The following TCP11L2 variants were observed in gnomAD, a reference collection of about 807,000 sequenced individuals.
The protein encoded by TCP11L2 is T-complex protein 11-like protein 2.
A neutral mutation model predicts 50.7 loss-of-function variants in TCP11L2; 39 were observed. The observed-to-expected ratio is 0.77, with a 90% CI of 0.60 to 1.01. The LOEUF is 1.01. Among genes scored for constraint, TCP11L2 ranks in the 50% least tolerant of loss-of-function variants. TCP11L2 has a pLI of 0.00. For missense variants in TCP11L2, 612 were observed against 614.7 expected (o/e 1.00, Z 0.05); for synonymous variants, 192 against 219.3 (o/e 0.88, Z 1.10).
chr12:106,324,992 A>G (rs962826650), intron 6 of TCP11L2: 1 of 152,218 alleles, frequency 6.6e-6, no homozygotes, highest in Non-Finnish European at 1.5e-5. Context: ...CTGTATATGT[A>G]TTTGGGAATC....
chr12:106,327,279 C>T (rs2035584355), intron 6 of TCP11L2, among the ~76,000 whole-genome samples: 1 of 152,106 alleles, frequency 6.6e-6, no homozygotes. Flanking sequence ...CTCTAGCCTC[C>T]AATTCTTGGA....
At position 106,311,156 on chromosome 12, in the gene TCP11L2, G is replaced by T. The variant is rs1340553446; in HGVS notation, c.81G>T (p.Met27Ile). 6.2e-7 allele frequency: 1 copy of T among 1,614,204 alleles called. No individual in the cohort carries two copies. The highest frequency in any genetic ancestry group is 1.7e-5 in the Admixed American group (1 of 60,026). ...DSDSSRFSES[M>I]ASLSDYECSR... is the part of the protein sequence containing the mutation. ...ATTCTTCCCGGTTTTCCGAAAGCAT[G>T]GCTTCGCTCAGTGACTATGAATGCT... Residue 27 changes from methionine (M) to isoleucine (I), a missense_variant, in exon 2 of 10, where the codon ATG becomes ATT. Met to Ile is a conservative substitution (Grantham distance 10). Coordinates refer to ENST00000299045, the MANE Select transcript of TCP11L2 (RefSeq NM_152772.3).
intron 6 of TCP11L2, among the ~76,000 whole-genome samples, chr12:106,334,766 C>G (rs2035855161): frequency 6.6e-6 from 1 of 152,002 alleles, no homozygotes; most frequent in Non-Finnish European, 1.5e-5. Flanking sequence ...CATGGTGAAA[C>G]CCCATCTCTA....
rs569912084 is a variant in TCP11L2, at chr12:106,303,194, G to A, written c.-36+253G>A. 87 of 152,386 alleles carry A rather than the reference G, an allele frequency of 5.7e-4. 1 individual carries two copies. The highest frequency in any genetic ancestry group is 1.9e-3 in the African/African-American group (81 of 41,590). The allele number at this position is 152,386 out of a possible 1,614,324, so 9.4% of individuals were successfully genotyped here. The stretch of plus-strand genomic sequence containing the variant: ...ACCGAGTGGCCGCCCCGCGTGTCGG[G>A]GTGGACACGGACTTCGGGCCTCGGA... On this transcript the variant is annotated intron_variant, in intron 1 of 9. Transcript: ENST00000299045.
At chr12:106,298,919 G>A (rs901276854), upstream of TCP11L2, among the ~76,000 whole-genome samples, 11 of 152,038 alleles carry the variant, frequency 7.2e-5, no homozygotes, top group African/African-American at 2.4e-4. Context: ...CTGGGTTCAA[G>A]TGATTCTCCT....
chr12:106,309,316 G>A (rs2034757419), intron 1 of TCP11L2, among the ~76,000 whole-genome samples: 1 of 152,122 alleles, frequency 6.6e-6, no homozygotes, highest in South Asian at 2.1e-4. Context: ...GAGGATGCAA[G>A]GGCTCAAGAA....
Position 106,336,093 on chromosome 12 carries a change from T to G in TCP11L2, c.1022T>G (p.Ile341Ser). The change falls in exon 8 of 10, where the codon ATT (isoleucine) becomes AGT (serine). Residue 341 changes from isoleucine to serine, a missense_variant. Ile to Ser is a moderately radical substitution (Grantham distance 142). Coordinates refer to ENST00000299045, the MANE Select transcript of TCP11L2 (RefSeq NM_152772.3). ...ELTEKLNQLK[I>S]IACLSLITNN... is the part of the protein sequence containing the mutation. ...ACAGAAAAGCTGAATCAATTGAAAA[T>G]TATTGCCTGCCTGTCCCTAATTACC... 6.2e-7 allele frequency: 1 copy of G among 1,614,084 alleles called. No homozygotes were observed. Among genetic ancestry groups the G allele is most frequent in the Non-Finnish European group, 8.5e-7 (1 of 1,179,992 alleles).
Position 106,321,490 on chromosome 12 carries a change from TTC to T in TCP11L2, c.425_426del (p.Ser142PhefsTer15), listed in dbSNP as rs764726053. 8 of 1,612,566 alleles carry T rather than the reference TTC, an allele frequency of 5.0e-6. No individual in the cohort carries two copies. The highest frequency in any genetic ancestry group is 1.1e-5 in the South Asian group (1 of 90,824). ...TTTTTATTTCTTTCCCTGTAGATTCTTCTCTCTTTTCTCACTCCCGGTGGCAA... is the reference window on the plus strand; with the variant it reads ...TTTTTATTTCTTTCCCTGTAGATTCTTCTCTTTTCTCACTCCCGGTGGCAA... On this transcript the variant is annotated frameshift_variant, in exon 5 of 10. Coordinates refer to ENST00000299045, the MANE Select transcript of TCP11L2 (RefSeq NM_152772.3). LOFTEE classifies it high-confidence loss of function.
rs149004221 is a variant in TCP11L2 at position 106,334,746 on chromosome 12, T to G, written c.773-893T>G. On this transcript the variant is annotated intron_variant, in intron 6 of 9. Coordinates refer to ENST00000299045, the MANE Select transcript of TCP11L2 (RefSeq NM_152772.3). ...TCATGAGGTCAGGAGATTGAGACCATCCTGGCCAACATGGTGAAACCCCAT... is the reference window on the plus strand; with the variant it reads ...TCATGAGGTCAGGAGATTGAGACCAGCCTGGCCAACATGGTGAAACCCCAT... Among the ~76,000 whole-genome samples, 1,003 of 152,130 alleles carry G rather than the reference T, an allele frequency of 6.6e-3. 12 individuals carry two copies. The highest frequency in any genetic ancestry group is 0.023 in the African/African-American group (967 of 41,490).
At chr12:106,305,171 C>T (rs954012285) in intron 1 of TCP11L2, among the ~76,000 whole-genome samples, 1 of 152,146 alleles carries the variant, frequency 6.6e-6, no homozygotes, top group Non-Finnish European at 1.5e-5. Flanking sequence ...AACGCAACCT[C>T]TCTGGGCCTC....
intron 2 of TCP11L2, chr12:106,312,405 G>T: frequency 8.1e-7 from 1 of 1,228,210 alleles, no homozygotes; most frequent in Non-Finnish European, 1.0e-6. Flanking sequence ...AGTCAGACCT[G>T]GCAAAAGAAA....
At chr12:106,336,855 TTCA>T (rs2035939467) in intron 8 of TCP11L2, among the ~76,000 whole-genome samples, 1 of 152,178 alleles carries the variant, frequency 6.6e-6, no homozygotes, top group South Asian at 2.1e-4. Flanking sequence ...TTGTTCTGAC[TTCA>T]TCATTTTTCT....
intron 6 of TCP11L2, among the ~76,000 whole-genome samples, chr12:106,328,342 G>A (rs1411556501): frequency 6.6e-6 from 1 of 152,168 alleles, no homozygotes; most frequent in Non-Finnish European, 1.5e-5. Context: ...TCAGGAGATC[G>A]AGACCATCCT....
At position 106,321,520 on chromosome 12, in the gene TCP11L2, G is replaced by A. The variant is rs138066544; in HGVS notation, c.449G>A (p.Arg150Gln). 2.4e-3 allele frequency: 3,921 copies of A among 1,614,090 alleles called. 10 individuals carry two copies. The highest frequency in any genetic ancestry group is 3.0e-3 in the Non-Finnish European group (3,534 of 1,180,004). The change falls in exon 5 of 10, where the codon CGG (arginine) becomes CAG (glutamine). Residue 150 changes from arginine (R) to glutamine (Q), a missense_variant. Coordinates refer to ENST00000299045, the MANE Select transcript of TCP11L2 (RefSeq NM_152772.3). The stretch of plus-strand genomic sequence containing the variant: ...TCTTTTCTCACTCCCGGTGGCAACC[G>A]GCTTCGCAACCAAATCTGTGAAGTT... ...LLSFLTPGGN[R>Q]LRNQICEVLD...
chr12:106,346,149 G>A lies in TCP11L2; in HGVS notation c.1316-137G>A, dbSNP rs188790254. On this transcript the variant is annotated intron_variant, in intron 9 of 9. Coordinates refer to ENST00000299045, the MANE Select transcript of TCP11L2 (RefSeq NM_152772.3). ...TAGGAGGAACTGCAAAGCTACCTTG[G>A]AAAGGGGATGGGTGCAGGGAGGGGT... The A allele has an allele frequency of 2.3e-5, 20 of 880,208 alleles. No homozygotes were observed. In the African/African-American group the frequency reaches 3.4e-4, roughly 15 times the overall value. The allele number at this position is 880,208 out of a possible 1,614,324, so 54.5% of individuals were successfully genotyped here.
chr12:106,308,326 G>A (rs542289933), intron 1 of TCP11L2, among the ~76,000 whole-genome samples: 8 of 152,250 alleles, frequency 5.3e-5, no homozygotes, highest in African/African-American at 1.9e-4. Context: ...AAAGTCACAC[G>A]GCACATTAAT....
intron 6 of TCP11L2, among the ~76,000 whole-genome samples, chr12:106,327,230 A>G (rs979069854): frequency 5.3e-5 from 8 of 150,682 alleles, no homozygotes; most frequent in African/African-American, 1.5e-4. Context: ...GTCTCACTCT[A>G]TTGCCCAGGC....
intron 6 of TCP11L2, among the ~76,000 whole-genome samples, chr12:106,332,051 C>T (rs1039237224): frequency 2.6e-5 from 4 of 152,162 alleles, no homozygotes; most frequent in Admixed American, 6.5e-5. Flanking sequence ...ATACTGGGCT[C>T]TGTTTGACAG....
At chr12:106,316,374 G>A (rs979475789) in intron 3 of TCP11L2, among the ~76,000 whole-genome samples, 1 of 152,104 alleles carries the variant, frequency 6.6e-6, no homozygotes, top group African/African-American at 2.4e-5. Context: ...CTATGGCCTG[G>A]ATGGCCCCAC....
Sources: allele counts gnomAD v4.1 joint callset (sites outside exome capture counted in the v4.1 genomes callset), GRCh38; gene constraint gnomAD v4.1.1; transcripts MANE v1.5; gene names NCBI Gene and HGNC (gene_info 2026-07-23, HGNC 2026-07-21).